The following MMP7 variants were observed in gnomAD, a reference collection of about 807,000 sequenced individuals.
MMP7 encodes matrilysin.
A neutral mutation model predicts 31.5 loss-of-function variants in MMP7; 26 were observed. The observed-to-expected ratio is 0.83, with a 90% CI of 0.61 to 1.15. The LOEUF (loss-of-function observed/expected upper bound fraction) is 1.15. Among genes scored for constraint, MMP7 ranks in the 50% most tolerant of loss-of-function variants. MMP7 has a pLI of 0.00. For missense variants in MMP7, 367 were observed against 326.5 expected, an observed-to-expected ratio of 1.12 and a Z score of -0.96; for synonymous variants, 142 against 124.2, an observed-to-expected ratio of 1.14 and a Z score of -0.95.
In MMP7 at chr11:102,527,811, T is replaced by G; in HGVS notation, c.281A>C (p.Glu94Ala). Reference protein sequence around the residue: ...KPRCGVPDVAEYSLFPNSPKW... With the variant: ...KPRCGVPDVAAYSLFPNSPKW... ...TGGGCTATTTGGAAATAGTGAGTAT[T>G]CTGCAACATCTGGCACTCCACATCT... The change falls in exon 2 of 6, where the codon GAA becomes GCA. Residue 94 changes from glutamate (E) to alanine (A), a missense_variant. Transcript: ENST00000260227. The G allele has an allele frequency of 6.2e-7, 1 of 1,614,172 alleles. No homozygotes were observed. The highest frequency in any genetic ancestry group is 8.5e-7 in the Non-Finnish European group (1 of 1,180,016).
chr11:102,529,871 T>A (rs996552532), intron 1 of MMP7, among the ~76,000 whole-genome samples: 4 of 152,226 alleles, frequency 2.6e-5, no homozygotes, highest in Non-Finnish European at 5.9e-5. Context: ...TTTATAGAAC[T>A]AAGGATTAAA....
intron 4 of MMP7, 108 bp downstream of exon 4, chr11:102,524,828 A>T (rs1858650101): frequency 7.8e-7 from 1 of 1,282,398 alleles, no homozygotes; most frequent in African/African-American, 1.5e-5. Flanking sequence ...AGTGTTTGGC[A>T]CTTAGCAAGG....
intron 4 of MMP7, 136 bp from the exon 5 acceptor site, chr11:102,523,537 G>T: frequency 1.5e-6 from 1 of 677,258 alleles, no homozygotes. Flanking sequence ...TTACTTATTT[G>T]TTTCTAGGCT....
intron 3 of MMP7, among the ~76,000 whole-genome samples, chr11:102,526,382 G>C (rs916025018): frequency 2.4e-4 from 36 of 151,734 alleles, no homozygotes; most frequent in African/African-American, 8.5e-4. Flanking sequence ...TGGAATTACA[G>C]GCATGCGTCA....
At chr11:102,526,468 C>T (rs1007208531) in intron 3 of MMP7, among the ~76,000 whole-genome samples, 12 of 151,958 alleles carry the variant, frequency 7.9e-5, no homozygotes, top group Non-Finnish European at 1.2e-4. Flanking sequence ...AACTCCTGAC[C>T]GCAGATGATC....
Position 102,527,572 on chromosome 11 carries a change from T to C in MMP7, c.436A>G (p.Lys146Glu), listed in dbSNP as rs376825653. ...ATGTCAGCAGTTCCCCATACAACTT[T>C]CCTGAAATGCAGGGGGATCTCTTTG... is the stretch of plus-strand genomic sequence containing the variant. ...WGKEIPLHFR[K>E]VVWGTADIMI... The change falls in exon 3 of 6, where the codon AAA becomes GAA. Residue 146 changes from lysine (K) to glutamate (E), a missense_variant. Lys to Glu is a moderately conservative substitution (Grantham distance 56). Transcript: ENST00000260227. The C allele has an allele frequency of 6.2e-7, 1 of 1,614,178 alleles. No individual in the cohort carries two copies. Among genetic ancestry groups the C allele is most frequent in the South Asian group, 1.1e-5 (1 of 91,088 alleles).
intron 5 of MMP7, among the ~76,000 whole-genome samples, chr11:102,522,733 C>A (rs17884366): frequency 6.6e-6 from 1 of 152,144 alleles, no homozygotes; most frequent in South Asian, 2.1e-4. Flanking sequence ...AAAGCATAGA[C>A]TGGGGCAAGG....
chr11:102,520,788 T>G lies in MMP7; in HGVS notation c.792A>C (p.Ser264=), dbSNP rs757374724. Reference sequence around the variant, plus strand: ...CTGCCTGAAGTTTCTATTTCTTTCTTGAATTACTTCTCTTTCCTATTGAGA... The same window carrying G: ...CTGCCTGAAGTTTCTATTTCTTTCTGGAATTACTTCTCTTTCCTATTGAGA... The part of the protein sequence containing the change: ...IQKLYGKRSN[S]RKK The change falls in exon 6 of 6, where the codon TCA becomes TCC. Residue 264 remains serine, a synonymous_variant. Transcript: ENST00000260227. 2 of 1,569,468 alleles carry G rather than the reference T, an allele frequency of 1.3e-6. No homozygotes were observed. Among genetic ancestry groups the G allele is most frequent in the Admixed American group, 3.4e-5 (2 of 58,936 alleles).
At chr11:102,521,709 C>G (rs1299919968) in intron 5 of MMP7, among the ~76,000 whole-genome samples, 3 of 152,194 alleles carry the variant, frequency 2.0e-5, no homozygotes, top group African/African-American at 7.2e-5. Context: ...TTTTAATGCA[C>G]TAGTCTCTTT....
intron 1 of MMP7, among the ~76,000 whole-genome samples, chr11:102,530,371 A>G (rs1858721667): frequency 6.6e-6 from 1 of 152,244 alleles, no homozygotes; most frequent in Non-Finnish European, 1.5e-5. Context: ...GTCTATCTAC[A>G]TAGTGAGTGG....
intron 5 of MMP7, among the ~76,000 whole-genome samples, chr11:102,522,474 T>C (rs1858623530): frequency 6.6e-6 from 1 of 152,216 alleles, no homozygotes; most frequent in South Asian, 2.1e-4. Flanking sequence ...GGCAGGAATA[T>C]GTCGTAGAAA....
In MMP7 at chr11:102,526,553, A is replaced by T. The variant is rs12419977; in HGVS notation, c.484+971T>A. 7.4e-3 allele frequency among the ~76,000 whole-genome samples: 1,124 copies of T among 152,196 alleles called. 53 individuals are homozygous for T. Among genetic ancestry groups the T allele is most frequent in the Admixed American group, 0.066 (1,006 of 15,284 alleles). ...CACCCTGCTGTGTTATATATTTTTA[A>T]GTTCTTTAATATGAAAGTTTCCATT... On this transcript the variant is annotated intron_variant, in intron 3 of 5. Coordinates refer to ENST00000260227, the MANE Select transcript of MMP7 (RefSeq NM_002423.5).
intron 1 of MMP7, 99 bp downstream of exon 1, chr11:102,530,494 C>T: frequency 2.1e-6 from 2 of 937,950 alleles, no homozygotes; most frequent in Non-Finnish European, 3.4e-6. Flanking sequence ...AAGAAAATTC[C>T]ACTGCAATGC....
At chr11:102,524,777 G>A (rs892982991) in intron 4 of MMP7, 159 bp downstream of exon 4, 36 of 697,748 alleles carry the variant, frequency 5.2e-5, no homozygotes, top group Admixed American at 7.7e-5. Context: ...GTAGCATTAT[G>A]AGTATATTAC....
intron 3 of MMP7, among the ~76,000 whole-genome samples, chr11:102,525,974 T>C (rs1270037098): frequency 6.6e-6 from 1 of 151,882 alleles, no homozygotes; most frequent in East Asian, 1.9e-4. Context: ...TGCTTTCCCA[T>C]AACATTTTCT....
intron 1 of MMP7, among the ~76,000 whole-genome samples, chr11:102,530,027 A>C (rs1374537677): frequency 6.6e-6 from 1 of 152,244 alleles, no homozygotes; most frequent in Non-Finnish European, 1.5e-5. Context: ...ACATGAGAAA[A>C]CAAAGTCAGA....
chr11:102,522,986 T>G (rs191849994), intron 5 of MMP7, among the ~76,000 whole-genome samples: 1 of 152,270 alleles, frequency 6.6e-6, no homozygotes, highest in Non-Finnish European at 1.5e-5. Context: ...TTGAAGAAAA[T>G]CTGGACAATA....
At chr11:102,529,672 AAAT>A (rs1858710443) in intron 1 of MMP7, among the ~76,000 whole-genome samples, 1 of 152,234 alleles carries the variant, frequency 6.6e-6, no homozygotes, top group African/African-American at 2.4e-5. Context: ...CTAAATTTAC[AAAT>A]AATAGTTATA....
At chr11:102,520,943 A>G in intron 5 of MMP7, 139 bp from the exon 6 acceptor site, 1 of 599,548 alleles carries the variant, frequency 1.7e-6, no homozygotes, top group Admixed American at 3.4e-5. Context: ...TGGGACAAAG[A>G]TTCTGAAGAA....
Sources: allele counts gnomAD v4.1 joint callset (sites outside exome capture counted in the v4.1 genomes callset), GRCh38; gene constraint gnomAD v4.1.1; transcripts MANE v1.5; gene names NCBI Gene and HGNC (gene_info 2026-07-23, HGNC 2026-07-21).